The following CTNNA2 variants were observed in gnomAD, a reference collection of about 807,000 sequenced individuals.
CTNNA2 encodes the protein catenin alpha-2.
In CTNNA2, 42 loss-of-function variants were observed where a neutral mutation model predicts 101.0. The ratio of observed to expected loss-of-function variants is 0.42; its 90% CI spans 0.32 to 0.54. The LOEUF (loss-of-function observed/expected upper bound fraction) is 0.54. CTNNA2 is among the 20% of genes least tolerant of loss of function. CTNNA2 has a pLI of 0.14. For missense variants in CTNNA2, 871 were observed against 1,223.1 expected, an observed-to-expected ratio of 0.71 and a Z score of 4.29; for synonymous variants, 450 against 456.4, an observed-to-expected ratio of 0.99 and a Z score of 0.18.
At chr2:80,426,750 C>A (rs980828823) in intron 9 of CTNNA2, among the ~76,000 whole-genome samples, 20 of 151,912 alleles carry the variant, frequency 1.3e-4, no homozygotes, top group African/African-American at 4.8e-4. Flanking sequence ...TCCTCCACCA[C>A]CCCCAACAAG....
chr2:80,458,198 C>T (rs1684143316), intron 9 of CTNNA2, among the ~76,000 whole-genome samples: 1 of 151,970 alleles, frequency 6.6e-6, no homozygotes, highest in Non-Finnish European at 1.5e-5. Flanking sequence ...TAGAGTAATT[C>T]TATTTAGGTC....
At chr2:79,894,560 T>C (rs1684568863) in intron 6 of CTNNA2, among the ~76,000 whole-genome samples, 8 of 152,308 alleles carry the variant, frequency 5.3e-5, no homozygotes, top group Admixed American at 4.6e-4. Context: ...CTGTTTATCA[T>C]TTTCAGGTAC....
intron 9 of CTNNA2, among the ~76,000 whole-genome samples, chr2:80,421,012 C>T (rs1167487804): frequency 2.6e-5 from 4 of 152,164 alleles, no homozygotes; most frequent in African/African-American, 4.8e-5. Context: ...CACCTACATG[C>T]TCGGAGAGTT....
chr2:80,372,674 G>A (rs1221615455), intron 7 of CTNNA2, among the ~76,000 whole-genome samples: 3 of 148,302 alleles, frequency 2.0e-5, no homozygotes, highest in Non-Finnish European at 4.4e-5. Context: ...TCTTCATTGG[G>A]AAAACAGCTT....
At chr2:79,780,592 G>A (rs578006628) in intron 3 of CTNNA2, among the ~76,000 whole-genome samples, 6 of 152,212 alleles carry the variant, frequency 3.9e-5, no homozygotes, top group South Asian at 4.2e-4. Flanking sequence ...TGAATTCCCT[G>A]TGAACCACCA....
intron 17 of CTNNA2, among the ~76,000 whole-genome samples, chr2:80,609,780 G>T (rs1192625247): frequency 6.6e-6 from 1 of 151,626 alleles, no homozygotes; most frequent in South Asian, 2.1e-4. Context: ...ACATGGATGC[G>T]CAAAGCATCT....
chr2:80,600,623 G>T (rs1010674237), intron 15 of CTNNA2, among the ~76,000 whole-genome samples: 4 of 152,042 alleles, frequency 2.6e-5, no homozygotes, highest in African/African-American at 9.7e-5. Context: ...TAACAGAAAT[G>T]AAAATTATTT....
intron 7 of CTNNA2, among the ~76,000 whole-genome samples, chr2:80,035,904 CTG>C (rs1276099933): frequency 6.6e-6 from 1 of 152,180 alleles, no homozygotes; most frequent in African/African-American, 2.4e-5. Context: ...AAAGAGAAAA[CTG>C]TGTGGGCCAA....
chr2:80,555,536 G>C (rs1358325106), intron 11 of CTNNA2, among the ~76,000 whole-genome samples, 157 bp from the exon 12 acceptor site: 1 of 152,202 alleles, frequency 6.6e-6, no homozygotes, highest in Non-Finnish European at 1.5e-5. Context: ...AACCACTGTT[G>C]TAATTATAAA....
chr2:79,381,841 A>C (rs890449442), intron 4 of CTNNA2, among the ~76,000 whole-genome samples: 6 of 152,156 alleles, frequency 3.9e-5, no homozygotes, highest in African/African-American at 1.2e-4. Context: ...TCATTATGAA[A>C]GTCTTTTGCT....
At chr2:80,281,689 A>C (rs1023502377) in intron 7 of CTNNA2, among the ~76,000 whole-genome samples, 24 of 152,260 alleles carry the variant, frequency 1.6e-4, no homozygotes, top group African/African-American at 5.5e-4. Context: ...GATATATTGA[A>C]ACAAATCAAC....
At chr2:80,498,792 G>A (rs951909772) in intron 9 of CTNNA2, among the ~76,000 whole-genome samples, 8 of 152,144 alleles carry the variant, frequency 5.3e-5, no homozygotes, top group Admixed American at 2.6e-4. Flanking sequence ...TGATATATTT[G>A]GGGGTGCTGG....
chr2:79,929,045 A>G (rs538278913), intron 7 of CTNNA2, among the ~76,000 whole-genome samples: 1 of 152,326 alleles, frequency 6.6e-6, no homozygotes, highest in East Asian at 1.9e-4. Context: ...TTTACTAAAT[A>G]CAAGCCATGT....
chr2:80,584,394 CT>C (rs1027768403), intron 14 of CTNNA2, among the ~76,000 whole-genome samples: 1 of 142,068 alleles, frequency 7.0e-6, no homozygotes, highest in African/African-American at 2.7e-5. Flanking sequence ...CCCATATCTG[CT>C]GCTTGCCTAC....
chr2:80,057,600 C>T (rs1422089513), intron 7 of CTNNA2, among the ~76,000 whole-genome samples: 1 of 152,120 alleles, frequency 6.6e-6, no homozygotes, highest in African/African-American at 2.4e-5. Context: ...AGGCAGTCCT[C>T]GGATGCTGTA....
intron 7 of CTNNA2, among the ~76,000 whole-genome samples, chr2:80,129,013 A>T (rs1702277251): frequency 1.3e-5 from 2 of 152,226 alleles, no homozygotes; most frequent in Non-Finnish European, 2.9e-5. Context: ...TACACTTCAA[A>T]GAAAGTATGA....
chr2:79,915,472 T>C (rs553191282), intron 7 of CTNNA2, among the ~76,000 whole-genome samples: 9 of 152,334 alleles, frequency 5.9e-5, no homozygotes, highest in Admixed American at 5.9e-4. Flanking sequence ...CTGCATAGCA[T>C]TTTATTATAT....
chr2:79,226,252 G>A (rs554673565), intron 2 of CTNNA2, among the ~76,000 whole-genome samples: 84 of 152,156 alleles, frequency 5.5e-4, no homozygotes, highest in Non-Finnish European at 7.6e-4. Context: ...TTCACTGTCC[G>A]TCACACACAA....
chr2:80,459,961 G>C (rs199791377), intron 9 of CTNNA2, among the ~76,000 whole-genome samples: 1 of 152,144 alleles, frequency 6.6e-6, no homozygotes, highest in African/African-American at 2.4e-5. Context: ...ATAAACCTGT[G>C]GGGGGCACTG....
Sources: allele counts gnomAD v4.1 joint callset (sites outside exome capture counted in the v4.1 genomes callset), GRCh38; gene constraint gnomAD v4.1.1; transcripts MANE v1.5; gene names NCBI Gene and HGNC (gene_info 2026-07-23, HGNC 2026-07-21).